Variants in PDZK1 observed in about 807,000 individuals in gnomAD.
The protein encoded by PDZK1 is PDZ domain containing 1.
Under a neutral mutation model 38.1 loss-of-function variants are expected in PDZK1, and 23 were observed. The ratio of observed to expected loss-of-function variants is 0.60; its 90% CI spans 0.43 to 0.85. PDZK1 has a LOEUF of 0.85. PDZK1 is among the 40% of genes least tolerant of loss of function. The probability of loss-of-function intolerance (pLI) is 0.00; values close to 1 mark genes in which losing one functional copy is unlikely to be tolerated. For synonymous variants in PDZK1, 98 were observed against 186.2 expected, an observed-to-expected ratio of 0.53 and a Z score of 3.86; for missense variants, 297 against 504.3, an observed-to-expected ratio of 0.59 and a Z score of 3.94.
chr1:145,683,995 T>C (rs1553701039), intron 3 of PDZK1, among the ~76,000 whole-genome samples: 3 of 144,272 alleles, frequency 2.1e-5, no homozygotes, highest in East Asian at 2.2e-4. Flanking sequence ...TACAGGCGCC[T>C]GCCACCGCGC....
At chr1:145,700,251 A>G (rs2101933266) in intron 1 of PDZK1, among the ~76,000 whole-genome samples, 1 of 152,302 alleles carries the variant, frequency 6.6e-6, no homozygotes, top group Non-Finnish European at 1.5e-5. Flanking sequence ...TCAAATAATA[A>G]ACTCTGGACT....
chr1:145,673,075 T>G, intron 7 of PDZK1, 55 bp from the exon 8 acceptor site: 17 of 1,428,714 alleles, frequency 1.2e-5, no homozygotes, highest in Non-Finnish European at 1.7e-5. Context: ...GACATCAGAC[T>G]AGCTCTCCTT....
rs587668909 is a variant in PDZK1, at chr1:145,674,862, AT to A, written c.991-982del. 1.3e-3 allele frequency among the ~76,000 whole-genome samples: 198 copies of A among 152,298 alleles called. 1 individual carries two copies. Among genetic ancestry groups the A allele is most frequent in the African/African-American group, 4.7e-3 (197 of 41,546 alleles). ...ATCTGTCTCTCTGGAGAATGTTAAT[AT>A]AACACTATTTTTATCACTATCCAAA... On this transcript the variant is annotated intron_variant, in intron 6 of 8. Transcript: ENST00000417171.
intron 3 of PDZK1, among the ~76,000 whole-genome samples, chr1:145,685,467 C>A (rs1264235817): frequency 6.6e-6 from 1 of 151,976 alleles, no homozygotes; most frequent in African/African-American, 2.4e-5. Context: ...TTTTTTTTAC[C>A]ACTTTACTGA....
chr1:145,679,314 C>T (rs1478258991), intron 5 of PDZK1, among the ~76,000 whole-genome samples: 1 of 152,078 alleles, frequency 6.6e-6, no homozygotes, highest in Non-Finnish European at 1.5e-5. Flanking sequence ...AGCCCCTCCT[C>T]TTGGTTACCT....
chr1:145,707,029 A>T (rs1656281369), intron 1 of PDZK1, among the ~76,000 whole-genome samples: 1 of 151,910 alleles, frequency 6.6e-6, no homozygotes, highest in South Asian at 2.1e-4. Context: ...TCAAACCCCC[A>T]CACAACCCCG....
intron 1 of PDZK1, among the ~76,000 whole-genome samples, chr1:145,688,423 CTG>C (rs1654981785): frequency 1.3e-5 from 2 of 152,154 alleles, no homozygotes; most frequent in Admixed American, 6.5e-5. Flanking sequence ...GAGGTTAAAT[CTG>C]TAGACAAGAT....
At chr1:145,693,708 A>T (rs1396616139) in intron 1 of PDZK1, among the ~76,000 whole-genome samples, 2 of 151,370 alleles carry the variant, frequency 1.3e-5, no homozygotes, top group East Asian at 3.9e-4. Flanking sequence ...CGGAAGGCGG[A>T]GCTTGCAGTG....
At chr1:145,705,828 G>A (rs985110841) in intron 1 of PDZK1, among the ~76,000 whole-genome samples, 4 of 152,136 alleles carry the variant, frequency 2.6e-5, no homozygotes, top group Non-Finnish European at 4.4e-5. Flanking sequence ...ACGGCTCACT[G>A]TAGCCTCGAC....
At chr1:145,682,054 A>ACACACACACACACAC in intron 4 of PDZK1, among the ~76,000 whole-genome samples, 1 of 125,492 alleles carries the variant, frequency 8.0e-6, no homozygotes, top group Non-Finnish European at 1.7e-5. Flanking sequence ...ACACACACAT[A>ACACACACACACACAC]AAAATTAGCC....
At chr1:145,680,425 G>A (rs1654119976) in intron 5 of PDZK1, among the ~76,000 whole-genome samples, 3 of 151,826 alleles carry the variant, frequency 2.0e-5, no homozygotes, top group Non-Finnish European at 4.4e-5. Flanking sequence ...GAGTTGCAAG[G>A]AAGGAGGACT....
chr1:145,706,721 C>T (rs1656268968), intron 1 of PDZK1, among the ~76,000 whole-genome samples: 1 of 152,132 alleles, frequency 6.6e-6, no homozygotes, highest in Admixed American at 6.6e-5. Context: ...TCAATTCACA[C>T]AAGGCCTGGA....
chr1:145,700,318 T>C (rs587723530), intron 1 of PDZK1, among the ~76,000 whole-genome samples: 40 of 152,212 alleles, frequency 2.6e-4, no homozygotes, highest in African/African-American at 8.9e-4. Context: ...CCAAATGCTG[T>C]GTATCAAGGA....
At chr1:145,693,666 C>T (rs1163695567) in intron 1 of PDZK1, among the ~76,000 whole-genome samples, 6 of 151,560 alleles carry the variant, frequency 4.0e-5, no homozygotes, top group South Asian at 2.1e-4. Flanking sequence ...CCCAGCTACT[C>T]GGGAGGCTGA....
chr1:145,679,168 C>CTT (rs58403818), intron 5 of PDZK1, among the ~76,000 whole-genome samples: 36 of 137,046 alleles, frequency 2.6e-4, no homozygotes, highest in African/African-American at 8.7e-4. Context: ...CAGATGCTGC[C>CTT]TTTTTTTTTT....
intron 1 of PDZK1, among the ~76,000 whole-genome samples, chr1:145,695,230 G>T (rs1467699291): frequency 6.6e-6 from 1 of 151,926 alleles, no homozygotes; most frequent in Non-Finnish European, 1.5e-5. Context: ...AGACCAGCCT[G>T]GCCAACATGG....
intron 6 of PDZK1, among the ~76,000 whole-genome samples, chr1:145,676,693 T>G (rs1424282587): frequency 7.0e-6 from 1 of 142,522 alleles, no homozygotes; most frequent in Non-Finnish European, 1.5e-5. Flanking sequence ...ACCACTGCAC[T>G]CCAGCCTGGT....
chr1:145,700,114 G>A (rs1655876173), intron 1 of PDZK1, among the ~76,000 whole-genome samples: 1 of 152,188 alleles, frequency 6.6e-6, no homozygotes, highest in African/African-American at 2.4e-5. Flanking sequence ...TACAGACTAA[G>A]AATGGGCAGG....
chr1:145,687,912 AC>A lies in PDZK1; in HGVS notation c.109del (p.Val37TrpfsTer46). 2 of 1,611,346 alleles carry A rather than the reference AC, an allele frequency of 1.2e-6. No homozygotes were observed. Among genetic ancestry groups the A allele is most frequent in the Non-Finnish European group, 1.7e-6 (2 of 1,179,432 alleles). ...CTCTGCTGGGCTACACTTCTCAACC[AC>A]CCGGACCAGGTGGCCCTCGGTGTCC... Reference protein sequence around the residue: ...EKDTEGHLVRVVEKCSPAEKA... With the variant: ...EKDTEGHLVRXVEKCSPAEKA... On this transcript the variant is annotated frameshift_variant, in exon 2 of 9. Coordinates refer to ENST00000417171, the MANE Select transcript of PDZK1 (RefSeq NM_001201325.2). LOFTEE classifies it high-confidence loss of function.
Sources: gnomAD v4.1 joint callset for allele counts (sites outside exome capture counted in the v4.1 genomes callset) on GRCh38, gnomAD v4.1.1 for gene constraint, MANE v1.5 for transcripts, NCBI Gene and HGNC (gene_info 2026-07-23, HGNC 2026-07-21) for gene names.